Variants in TP53BP1 observed in about 807,000 individuals in gnomAD.
TP53BP1 encodes the protein TP53-binding protein 1.
In TP53BP1, 61 loss-of-function variants were observed where a neutral mutation model predicts 200.8. That is an observed-to-expected ratio of 0.30 (90% CI 0.25 to 0.38). The LOEUF (loss-of-function observed/expected upper bound fraction) is 0.38. Ranked by LOEUF, TP53BP1 falls within the 10% of genes least tolerant of loss-of-function variation. The pLI is 1.00. For synonymous variants in TP53BP1, 822 were observed against 844.3 expected, an observed-to-expected ratio of 0.97 and a Z score of 0.46; for missense variants, 2,144 against 2,371.9, an observed-to-expected ratio of 0.90 and a Z score of 2.00.
At chr15:43,418,332 T>A (rs1452969631) in intron 21 of TP53BP1, among the ~76,000 whole-genome samples, 1 of 149,768 alleles carries the variant, frequency 6.7e-6, no homozygotes, top group African/African-American at 2.5e-5. Flanking sequence ...ACCCCATCTC[T>A]ACGAAAAACA....
intron 18 of TP53BP1, among the ~76,000 whole-genome samples, chr15:43,426,186 G>C (rs1017628533): frequency 3.3e-5 from 5 of 151,958 alleles, no homozygotes; most frequent in East Asian, 1.9e-4. Flanking sequence ...GCTCACGCCT[G>C]TAATCCCAGC....
chr15:43,502,318 T>C (rs1472051292), intron 1 of TP53BP1, among the ~76,000 whole-genome samples: 3 of 152,280 alleles, frequency 2.0e-5, no homozygotes, highest in South Asian at 2.1e-4. Context: ...AGCAAGACTA[T>C]GTCTCTTAAA....
chr15:43,501,255 G>T (rs1274744259), intron 1 of TP53BP1, among the ~76,000 whole-genome samples: 1 of 151,138 alleles, frequency 6.6e-6, no homozygotes, highest in Non-Finnish European at 1.5e-5. Context: ...AGGCTAGAGT[G>T]CAATGGCTTG....
chr15:43,500,353 C>T (rs190126382), intron 1 of TP53BP1, among the ~76,000 whole-genome samples: 56 of 152,132 alleles, frequency 3.7e-4, no homozygotes, highest in African/African-American at 1.3e-3. Flanking sequence ...TTATATAATA[C>T]ACCTTCAACA....
Position 43,420,749 on chromosome 15 carries a change from G to T in TP53BP1, c.4251-14C>A. The T allele has an allele frequency of 6.2e-7, 1 of 1,603,156 alleles. No individual in the cohort carries two copies. Among genetic ancestry groups the T allele is most frequent in the South Asian group, 1.1e-5 (1 of 89,874 alleles). The stretch of plus-strand genomic sequence containing the variant: ...ACAGCTGTTTCTCTAAAGAGAGATA[G>T]GGGATAGGAGAAGCCGGTGAGAACA... On this transcript the variant is annotated splice_polypyrimidine_tract_variant and intron_variant, in intron 20 of 27. Coordinates refer to ENST00000382044, the MANE Select transcript of TP53BP1 (RefSeq NM_001141980.3).
chr15:43,421,021 G>A lies in TP53BP1; in HGVS notation c.4250+4C>T. ...ACTAAGTATATCTTACACTACCCAG[G>A]TACCTGGTTCCAGTGGTCCGAGAAG... is the stretch of plus-strand genomic sequence containing the variant. On this transcript the variant is annotated splice_donor_region_variant and intron_variant, in intron 20 of 27. Coordinates refer to ENST00000382044, the MANE Select transcript of TP53BP1 (RefSeq NM_001141980.3). The A allele has an allele frequency of 6.2e-7, 1 of 1,611,684 alleles. No individual in the cohort carries two copies. The highest frequency in any genetic ancestry group is 1.1e-5 in the South Asian group (1 of 90,848).
At chr15:43,412,327 G>A in intron 24 of TP53BP1, among the ~76,000 whole-genome samples, 1 of 152,154 alleles carries the variant, frequency 6.6e-6, no homozygotes, top group Admixed American at 6.5e-5. Context: ...ATTCCCTCTT[G>A]CAAGACAACA....
chr15:43,435,471 T>G (rs963512827), intron 16 of TP53BP1, among the ~76,000 whole-genome samples: 5 of 151,978 alleles, frequency 3.3e-5, no homozygotes, highest in African/African-American at 1.2e-4. Flanking sequence ...TTAAAACGCT[T>G]TAATAAAAAA....
chr15:43,424,929 T>A (rs2045491021), intron 18 of TP53BP1, among the ~76,000 whole-genome samples: 1 of 152,248 alleles, frequency 6.6e-6, no homozygotes, highest in Non-Finnish European at 1.5e-5. Flanking sequence ...AGTTCATTCA[T>A]GGATTAACGG....
At chr15:43,457,763 T>C (rs1431208284) in intron 11 of TP53BP1, among the ~76,000 whole-genome samples, 1 of 148,754 alleles carries the variant, frequency 6.7e-6, no homozygotes, top group Non-Finnish European at 1.5e-5. Flanking sequence ...TCATGCCTAT[T>C]ATCCCAGCAT....
At chr15:43,425,848 G>A (rs993489441) in intron 18 of TP53BP1, among the ~76,000 whole-genome samples, 4 of 151,938 alleles carry the variant, frequency 2.6e-5, no homozygotes, top group South Asian at 2.1e-4. Context: ...GGCGGATCAC[G>A]AGGTCAGGAG....
chr15:43,494,052 C>A (rs1001597763), upstream of TP53BP1, among the ~76,000 whole-genome samples: 6 of 152,092 alleles, frequency 3.9e-5, no homozygotes, highest in Admixed American at 1.3e-4. Context: ...ATGAACTAAG[C>A]CCCATGTGGC....
chr15:43,471,907 T>G (rs1409197287), intron 10 of TP53BP1, among the ~76,000 whole-genome samples: 1 of 152,238 alleles, frequency 6.6e-6, no homozygotes, highest in East Asian at 1.9e-4. Context: ...AATCATGTTA[T>G]GCTTAGATTG....
intron 9 of TP53BP1, among the ~76,000 whole-genome samples, chr15:43,475,196 GC>G (rs2140108681): frequency 6.6e-6 from 1 of 152,218 alleles, no homozygotes; most frequent in African/African-American, 2.4e-5. Flanking sequence ...GAACCTCTTT[GC>G]CCTAACATAA....
chr15:43,446,723 A>T, intron 13 of TP53BP1, 133 bp from the exon 14 acceptor site: 1 of 1,522,646 alleles, frequency 6.6e-7, no homozygotes, highest in Admixed American at 2.1e-5. Flanking sequence ...CCTAGGATAG[A>T]TCCCTGTCAT....
upstream of TP53BP1, among the ~76,000 whole-genome samples, chr15:43,494,914 C>T (rs1264130226): frequency 1.3e-5 from 2 of 152,162 alleles, no homozygotes; most frequent in African/African-American, 2.4e-5. Context: ...AATGGCTGGG[C>T]GCAGTGGCTT....
In TP53BP1 at chr15:43,456,621, C is replaced by A; in HGVS notation, c.1987G>T (p.Gly663Trp). Residue 663 changes from glycine (G) to tryptophan (W), a missense_variant, in exon 12 of 28, where the codon GGG (glycine) becomes TGG (tryptophan). By Grantham distance (184) the Gly-to-Trp change is radical. Transcript: ENST00000382044. Reference sequence around the variant, plus strand: ...TCTTCCACCTCAGACCCTGAAGACCCCTCCTCTGGATGGTGTTCTTTAATT... The same window carrying A: ...TCTTCCACCTCAGACCCTGAAGACCACTCCTCTGGATGGTGTTCTTTAATT... ...MEIKEHHPEE[G>W]SSGSEVEEIP... The A allele has an allele frequency of 6.2e-7, 1 of 1,614,156 alleles. No homozygotes were observed. The highest frequency in any genetic ancestry group is 8.5e-7 in the Non-Finnish European group (1 of 1,180,028).
At chr15:43,492,122 C>G (rs1188287052) in intron 2 of TP53BP1, 27 bp from the exon 3 acceptor site, 2 of 1,564,972 alleles carry the variant, frequency 1.3e-6, no homozygotes, top group South Asian at 1.1e-5. Context: ...CAAAATATCC[C>G]CATTATATAT....
At position 43,492,104 on chromosome 15, in the gene TP53BP1, T is replaced by G; in HGVS notation, c.193-9A>C. 2 of 1,603,978 alleles carry G rather than the reference T, an allele frequency of 1.2e-6. No homozygotes were observed. The highest frequency in any genetic ancestry group is 1.7e-6 in the Non-Finnish European group (2 of 1,170,920). On this transcript the variant is annotated splice_polypyrimidine_tract_variant and intron_variant, in intron 2 of 27. Transcript: ENST00000382044. ...GGATTGGACACAACATCCTAGAAAATACACATACAAAATATCCCCATTATA... is the reference window on the plus strand; with the variant it reads ...GGATTGGACACAACATCCTAGAAAAGACACATACAAAATATCCCCATTATA...
Sources: allele counts gnomAD v4.1 joint callset (sites outside exome capture counted in the v4.1 genomes callset), GRCh38; gene constraint gnomAD v4.1.1; transcripts MANE v1.5; gene names NCBI Gene and HGNC (gene_info 2026-07-23, HGNC 2026-07-21).